The following ADAM32 variants were observed in gnomAD, a reference collection of about 807,000 sequenced individuals.
The protein encoded by ADAM32 is ADAM metallopeptidase domain 32, also known as disintegrin and metalloproteinase domain-containing protein 32.
A neutral mutation model predicts 114.9 loss-of-function variants in ADAM32; 89 were observed. That is an observed-to-expected ratio of 0.77 (90% CI 0.65 to 0.92). The LOEUF is 0.92. ADAM32 is among the 40% of genes least tolerant of loss of function. ADAM32 has a pLI of 0.00. For synonymous variants in ADAM32, 285 were observed against 307.5 expected (o/e 0.93, Z 0.77); for missense variants, 870 against 932.8 (o/e 0.93, Z 0.88).
rs1435744950 is a variant in ADAM32 at position 39,165,196 on chromosome 8, T to C, written c.833T>C (p.Ile278Thr). 1.1e-5 allele frequency: 16 copies of C among 1,515,418 alleles called. No individual in the cohort carries two copies. The highest frequency in any genetic ancestry group is 1.2e-5 in the Non-Finnish European group (14 of 1,120,138). The allele number at this position is 1,515,418 out of a possible 1,614,324, so 93.9% of individuals were successfully genotyped here. A position where few individuals can be genotyped will look rare whatever the true frequency, so the allele number is the denominator to read the frequency against. ...CCTCATGATATTGCATATCTACTAA[T>C]GTAAGAATAATGTTTCATTATTCCT... ...LRPHDIAYLLIYMDYPRYLGA... is the reference protein window; with the variant it reads ...LRPHDIAYLLTYMDYPRYLGA... Residue 278 changes from isoleucine to threonine, a missense_variant and splice_region_variant, in exon 9 of 25, where the codon ATT becomes ACT. Transcript: ENST00000379907.
At chr8:39,161,017 T>C (rs1804477968) in intron 7 of ADAM32, 52 bp downstream of exon 7, 12 of 1,436,726 alleles carry the variant, frequency 8.4e-6, no homozygotes, top group Non-Finnish European at 1.1e-5. Flanking sequence ...AAATGTATGA[T>C]TATGCCTAGC....
chr8:39,223,206 T>C lies in ADAM32; in HGVS notation c.1493T>C (p.Leu498Pro), dbSNP rs1427330582. 1 of 1,595,904 alleles carries C rather than the reference T, an allele frequency of 6.3e-7. No homozygotes were observed. The change falls in exon 14 of 25, where the codon CTC becomes CCC. Residue 498 changes from leucine (L) to proline (P), a missense_variant. Leu to Pro is a moderately conservative substitution (Grantham distance 98). Transcript: ENST00000379907. ...FICYDGDCHDLDARCESVFGK... is the reference protein window; with the variant it reads ...FICYDGDCHDPDARCESVFGK... Reference sequence around the variant, plus strand: ...TGTTATGACGGAGACTGCCATGATCTCGATGCACGTTGTGAGAGTGTATTT... The same window carrying C: ...TGTTATGACGGAGACTGCCATGATCCCGATGCACGTTGTGAGAGTGTATTT...
chr8:39,153,534 A>G (rs1162604801), intron 6 of ADAM32, among the ~76,000 whole-genome samples: 1 of 152,136 alleles, frequency 6.6e-6, no homozygotes, highest in Non-Finnish European at 1.5e-5. Flanking sequence ...AGTACTGGAG[A>G]TTTACATTTC....
chr8:39,176,551 CTGTT>C (rs1431767519), intron 10 of ADAM32, among the ~76,000 whole-genome samples: 12 of 152,106 alleles, frequency 7.9e-5, no homozygotes, highest in Admixed American at 1.3e-4. Context: ...GTTTGAGAGA[CTGTT>C]TGTTATGATT....
At chr8:39,284,496 ATTAAC>A (rs1292418765) in intron 24 of ADAM32, among the ~76,000 whole-genome samples, 4 of 152,152 alleles carry the variant, frequency 2.6e-5, no homozygotes, top group African/African-American at 7.2e-5. Flanking sequence ...ATGTAAAGAC[ATTAAC>A]TTAATTGTTA....
chr8:39,210,137 TG>T (rs1175975398), intron 11 of ADAM32, among the ~76,000 whole-genome samples: 2 of 152,158 alleles, frequency 1.3e-5, no homozygotes, highest in African/African-American at 4.8e-5. Context: ...TAGAAATCTG[TG>T]GGCACCAGCC....
chr8:39,160,854 AT>A, intron 6 of ADAM32, 42 bp from the exon 7 acceptor site: 1 of 1,484,954 alleles, frequency 6.7e-7, no homozygotes, highest in South Asian at 1.3e-5. Flanking sequence ...TAAAAAAATT[AT>A]GAAATTTTTC....
At chr8:39,217,151 G>A (rs1808631267) in intron 12 of ADAM32, among the ~76,000 whole-genome samples, 2 of 151,658 alleles carry the variant, frequency 1.3e-5, no homozygotes, top group Admixed American at 6.6e-5. Context: ...TAAGGCAAAA[G>A]TTTTCTTTTT....
chr8:39,131,294 G>T (rs1397747992), intron 2 of ADAM32, among the ~76,000 whole-genome samples: 2 of 151,978 alleles, frequency 1.3e-5, no homozygotes, highest in Admixed American at 1.3e-4. Flanking sequence ...AGACCAGCCT[G>T]GGCAACATAG....
chr8:39,232,166 CT>C (rs1456943829), intron 15 of ADAM32, 31 bp downstream of exon 15: 2 of 1,511,248 alleles, frequency 1.3e-6, no homozygotes, highest in African/African-American at 2.8e-5. Context: ...TGATACTTTT[CT>C]TATATTCTAT....
intron 3 of ADAM32, among the ~76,000 whole-genome samples, chr8:39,145,058 C>T (rs1471686613): frequency 1.3e-5 from 2 of 152,066 alleles, no homozygotes; most frequent in South Asian, 2.1e-4. Context: ...AGAAAACAAC[C>T]CCATGTACAA....
chr8:39,186,839 A>T lies in ADAM32; in HGVS notation c.916-70A>T, dbSNP rs1454490862. ...TTGATAAAATAATAAAATATTCATA[A>T]TTAGAAAATTATTTTTACCACCCTT... On this transcript the variant is annotated intron_variant, in intron 10 of 24. Transcript: ENST00000379907. 3.9e-6 allele frequency: 5 copies of T among 1,271,516 alleles called. No homozygotes were observed. In the African/African-American group the frequency reaches 6.0e-5, roughly 15 times the overall value. 78.8% of individuals were successfully genotyped at this position (1,271,516 alleles called of 1,614,324 possible).
At chr8:39,260,759 T>A (rs1187893709) in intron 19 of ADAM32, among the ~76,000 whole-genome samples, 4 of 152,140 alleles carry the variant, frequency 2.6e-5, no homozygotes, top group African/African-American at 9.7e-5. Context: ...AATTCTGGCC[T>A]TATAAAATGT....
At chr8:39,229,171 GC>G (rs1258507252) in intron 14 of ADAM32, among the ~76,000 whole-genome samples, 1 of 152,172 alleles carries the variant, frequency 6.6e-6, no homozygotes, top group African/African-American at 2.4e-5. Context: ...TACAAGAACT[GC>G]TAAAAGGAGC....
At chr8:39,194,809 G>A (rs149408504) in intron 11 of ADAM32, among the ~76,000 whole-genome samples, 123 of 152,244 alleles carry the variant, frequency 8.1e-4, no homozygotes, top group African/African-American at 2.8e-3. Flanking sequence ...AGTCTCGTAC[G>A]GAAGGAAGTT....
At chr8:39,217,107 A>ATG (rs1474239529) in intron 12 of ADAM32, among the ~76,000 whole-genome samples, 1 of 131,166 alleles carries the variant, frequency 7.6e-6, no homozygotes, top group Non-Finnish European at 1.6e-5. Flanking sequence ...TTTAAAGAAT[A>ATG]TATATATATA....
chr8:39,229,962 T>C (rs1011151630), intron 14 of ADAM32, among the ~76,000 whole-genome samples: 1 of 152,166 alleles, frequency 6.6e-6, no homozygotes, highest in African/African-American at 2.4e-5. Context: ...CGAGCCTCAA[T>C]AAATTTAATA....
intron 11 of ADAM32, among the ~76,000 whole-genome samples, chr8:39,188,504 C>T (rs1806397836): frequency 1.3e-5 from 2 of 152,102 alleles, no homozygotes; most frequent in Admixed American, 6.5e-5. Context: ...TTGTGTAGGT[C>T]ACCCAGAGCC....
At position 39,178,450 on chromosome 8, in the gene ADAM32, G is replaced by T. The variant is rs957854808; in HGVS notation, c.915+8453G>T. Among the ~76,000 whole-genome samples, 4 of 152,264 alleles carry T rather than the reference G, an allele frequency of 2.6e-5. No individual in the cohort carries two copies. The East Asian group carries it at 7.7e-4, about 29-fold the overall frequency. On this transcript the variant is annotated intron_variant, in intron 10 of 24. Transcript: ENST00000379907. ...TTATGATTGTTAGCTTCTTTGCATTGGGTTAGAACATTCTCCTTTAGCTCA... is the reference window on the plus strand; with the variant it reads ...TTATGATTGTTAGCTTCTTTGCATTTGGTTAGAACATTCTCCTTTAGCTCA...
Sources: gnomAD v4.1 joint callset for allele counts (sites outside exome capture counted in the v4.1 genomes callset) on GRCh38, gnomAD v4.1.1 for gene constraint, MANE v1.5 for transcripts, NCBI Gene and HGNC (gene_info 2026-07-23, HGNC 2026-07-21) for gene names.